Variants in POC1B observed in about 807,000 individuals in gnomAD.
POC1B encodes the protein POC1 centriolar protein homolog B.
A neutral mutation model predicts 60.6 loss-of-function variants in POC1B; 44 were observed. The ratio of observed to expected loss-of-function variants is 0.73; its 90% CI spans 0.57 to 0.93. The LOEUF is 0.93. POC1B is among the 40% of genes least tolerant of loss of function. POC1B has a pLI of 0.00. For missense variants in POC1B, 555 were observed against 572.3 expected (o/e 0.97, Z 0.31); for synonymous variants, 180 against 198.9 (o/e 0.90, Z 0.80).
intron 10 of POC1B, among the ~76,000 whole-genome samples, chr12:89,446,146 A>G (rs1041723622): frequency 4.6e-5 from 7 of 151,966 alleles, no homozygotes; most frequent in African/African-American, 1.2e-4. Context: ...ACACTTTTAC[A>G]CTGTTGGTGG....
intron 2 of POC1B, chr12:89,524,618 C>A: frequency 6.5e-7 from 1 of 1,527,202 alleles, no homozygotes; most frequent in Non-Finnish European, 9.0e-7. Context: ...CGGCGGAACC[C>A]ACAGCTCGAG....
intron 2 of POC1B, chr12:89,521,992 T>C: frequency 2.5e-6 from 1 of 399,022 alleles, no homozygotes; most frequent in Non-Finnish European, 4.4e-6. Flanking sequence ...AGGCATAGTA[T>C]TCTGGATGAG....
At chr12:89,416,224 G>C (rs1880361827), downstream of POC1B, among the ~76,000 whole-genome samples, 1 of 152,196 alleles carries the variant, frequency 6.6e-6, no homozygotes, top group African/African-American at 2.4e-5. Flanking sequence ...TGTTGTACCA[G>C]AGATAAGCAC....
intron 9 of POC1B, among the ~76,000 whole-genome samples, chr12:89,463,617 T>A (rs1233325937): frequency 6.6e-6 from 1 of 151,834 alleles, no homozygotes; most frequent in Non-Finnish European, 1.5e-5. Context: ...GAGAGAGAGG[T>A]ACTGTTCTCA....
chr12:89,499,479 T>C (rs1869434577), intron 2 of POC1B, among the ~76,000 whole-genome samples: 1 of 151,814 alleles, frequency 6.6e-6, no homozygotes, highest in African/African-American at 2.4e-5. Context: ...AACCTGCACA[T>C]GTACTCCCTG....
intron 2 of POC1B, among the ~76,000 whole-genome samples, 181 bp from the exon 3 acceptor site, chr12:89,497,523 T>C (rs1869318961): frequency 6.6e-6 from 1 of 152,164 alleles, no homozygotes; most frequent in African/African-American, 2.4e-5. Flanking sequence ...ACATCACTAA[T>C]ATGCAAGCTT....
chr12:89,480,327 G>A (rs1447021058), intron 4 of POC1B, among the ~76,000 whole-genome samples: 1 of 151,308 alleles, frequency 6.6e-6, no homozygotes, highest in Non-Finnish European at 1.5e-5. Flanking sequence ...TGTAGAGATG[G>A]GGTTTTGCCA....
Position 89,525,191 on chromosome 12 carries a change from A to G in POC1B, c.29T>C (p.Leu10Pro). MASATEDPV[L>P]ERYFKGHKAA... is the part of the protein sequence containing the mutation. ...TTTGTGGCCTTTGAAATAACGCTCC[A>G]GAACGGGGTCCTCCTGGAAAGGAAA... is the stretch of plus-strand genomic sequence containing the variant. Residue 10 changes from leucine (L) to proline (P), a missense_variant, in exon 2 of 12, where the codon CTG becomes CCG. Coordinates refer to ENST00000313546, the MANE Select transcript of POC1B (RefSeq NM_172240.3). 1 of 1,611,142 alleles carries G rather than the reference A, an allele frequency of 6.2e-7. No homozygotes were observed. The highest frequency in any genetic ancestry group is 8.5e-7 in the Non-Finnish European group (1 of 1,178,640).
intron 2 of POC1B, chr12:89,524,808 C>T: frequency 3.3e-6 from 2 of 614,822 alleles, no homozygotes; most frequent in Non-Finnish European, 5.7e-6. Context: ...CCAGCCAACA[C>T]CCCACCCTCC....
chr12:89,419,543 G>C (rs954814805), downstream of POC1B, among the ~76,000 whole-genome samples: 6 of 152,160 alleles, frequency 3.9e-5, no homozygotes, highest in Admixed American at 6.5e-5. Context: ...GATTGTTAGA[G>C]ATGCAAATGA....
chr12:89,525,753 G>A, intron 1 of POC1B, 128 bp downstream of exon 1: 8 of 1,325,590 alleles, frequency 6.0e-6, no homozygotes, highest in Non-Finnish European at 6.8e-6. Flanking sequence ...CGGGACGAGG[G>A]GCTCAGGACC....
At chr12:89,427,074 G>A (rs1401252519) in intron 10 of POC1B, 1 of 151,900 alleles carries the variant, frequency 6.6e-6, no homozygotes, top group East Asian at 1.9e-4. Context: ...GGAAATGCAA[G>A]AAACCCATAA....
chr12:89,501,924 T>C lies in POC1B; in HGVS notation c.101-4582A>G, dbSNP rs999435047. 1.1e-5 allele frequency: 12 copies of C among 1,121,570 alleles called. No homozygotes were observed. The Middle Eastern group carries it at 1.2e-3, about 111-fold the overall frequency. 69.5% of individuals were successfully genotyped at this position (1,121,570 alleles called of 1,614,324 possible). On this transcript the variant is annotated intron_variant, in intron 2 of 11. Coordinates refer to ENST00000313546, the MANE Select transcript of POC1B (RefSeq NM_172240.3). Reference sequence around the variant, plus strand: ...GTTCTGGAGGTATCATTGGTCATGATGAAATTTCCAGTTGTTTCCTGAGTG... The same window carrying C: ...GTTCTGGAGGTATCATTGGTCATGACGAAATTTCCAGTTGTTTCCTGAGTG...
chr12:89,495,643 G>C (rs77904396), intron 3 of POC1B, among the ~76,000 whole-genome samples: 2,713 of 152,254 alleles, frequency 0.018, 38 homozygotes, highest in Non-Finnish European at 0.029. Context: ...TTTGGCACCA[G>C]AGACCAGTTC....
intron 10 of POC1B, among the ~76,000 whole-genome samples, chr12:89,438,544 T>C (rs923149723): frequency 6.6e-6 from 1 of 152,234 alleles, no homozygotes; most frequent in Non-Finnish European, 1.5e-5. Context: ...TTTCAAACTT[T>C]CTCTGGACTT....
chr12:89,412,733 A>G, the POC1B span, among the ~76,000 whole-genome samples: 1 of 152,148 alleles, frequency 6.6e-6, no homozygotes, highest in Non-Finnish European at 1.5e-5. Flanking sequence ...ATACTTAAAA[A>G]TCCATAGATG....
rs542092410 is a variant in POC1B at position 89,490,336 on chromosome 12, GTTGT to G, written c.452+1596_452+1599del. Among the ~76,000 whole-genome samples, 113 of 152,150 alleles carry G rather than the reference GTTGT, an allele frequency of 7.4e-4. 1 individual carries two copies. Among genetic ancestry groups the G allele is most frequent in the African/African-American group, 2.2e-3 (91 of 41,510 alleles). On this transcript the variant is annotated intron_variant, in intron 4 of 11. Transcript: ENST00000313546. Reference sequence around the variant, plus strand: ...CGCCCAGGCAGTTTTTGTTGTTGTTGTTGTTTGTTTGTTTGTTTTTTTGAGATGG... The same window carrying G: ...CGCCCAGGCAGTTTTTGTTGTTGTTGTTGTTTGTTTGTTTTTTTGAGATGG...
the POC1B span, among the ~76,000 whole-genome samples, chr12:89,413,416 C>T: frequency 1.3e-5 from 2 of 151,932 alleles, no homozygotes; most frequent in Non-Finnish European, 2.9e-5. Flanking sequence ...AGGCTGGCCT[C>T]CAACTCCTGG....
intron 4 of POC1B, among the ~76,000 whole-genome samples, chr12:89,476,338 T>C (rs887231454): frequency 2.6e-5 from 4 of 152,226 alleles, no homozygotes; most frequent in Non-Finnish European, 5.9e-5. Context: ...TGTAAAAATT[T>C]TATGTCTATA....
Sources: allele counts gnomAD v4.1 joint callset (sites outside exome capture counted in the v4.1 genomes callset), GRCh38; gene constraint gnomAD v4.1.1; transcripts MANE v1.5; gene names NCBI Gene and HGNC (gene_info 2026-07-23, HGNC 2026-07-21).